Variants in EPB41L3 observed in about 807,000 individuals in gnomAD.
EPB41L3 encodes erythrocyte membrane protein band 4.1 like 3, also known as band 4.1-like protein 3.
A neutral mutation model predicts 127.1 loss-of-function variants in EPB41L3; 57 were observed. That is an observed-to-expected ratio of 0.45 (90% confidence interval 0.36 to 0.56). The LOEUF (loss-of-function observed/expected upper bound fraction) is 0.56. EPB41L3 is among the 20% of genes least tolerant of loss of function. The pLI, the probability that EPB41L3 is intolerant of heterozygous loss-of-function variation, is 0.00. For missense variants in EPB41L3, 1,273 were observed against 1,372.2 expected (o/e 0.93, Z 1.14); for synonymous variants, 572 against 549.5 (o/e 1.04, Z -0.57).
rs373024535 is a variant in EPB41L3, at chr18:5,482,215, T to C, written c.184-3777A>G. ...AAATCTCAGAACTGAGAAATACATT[T>C]GATAAACTGAAGAACTCATTAGAGG... On this transcript the variant is annotated intron_variant, in intron 2 of 22. Coordinates refer to ENST00000341928, the MANE Select transcript of EPB41L3 (RefSeq NM_012307.5). Among the ~76,000 whole-genome samples, 42 of 152,200 alleles carry C rather than the reference T, an allele frequency of 2.8e-4. No individual in the cohort carries two copies. The South Asian group carries it at 8.7e-3, about 32-fold the overall frequency.
chr18:5,541,785 A>C (rs910900025), intron 1 of EPB41L3, among the ~76,000 whole-genome samples: 3 of 152,254 alleles, frequency 2.0e-5, no homozygotes, highest in African/African-American at 7.2e-5. Flanking sequence ...TCATTGAGAC[A>C]CTGACATTTG....
At chr18:5,399,349 T>C (rs1325308162) in intron 16 of EPB41L3, 2 of 398,918 alleles carry the variant, frequency 5.0e-6, no homozygotes, top group South Asian at 1.3e-4. Context: ...ACTACCTCAG[T>C]TGGTATTCTG....
At chr18:5,605,432 G>A (rs559355275) in intron 3 of EPB41L3, among the ~76,000 whole-genome samples, 3 of 151,944 alleles carry the variant, frequency 2.0e-5, no homozygotes, top group Non-Finnish European at 2.9e-5. Context: ...AGGCTGGAGT[G>A]CAGTGGTGCA....
chr18:5,541,366 T>C (rs1179860573), intron 1 of EPB41L3, among the ~76,000 whole-genome samples: 2 of 150,970 alleles, frequency 1.3e-5, no homozygotes, highest in Non-Finnish European at 2.9e-5. Context: ...TTTACTGGAG[T>C]GGACATGAAT....
upstream of EPB41L3, among the ~76,000 whole-genome samples, chr18:5,545,907 GTGTGTGTGTGTA>G (rs1398963412): frequency 3.4e-5 from 5 of 146,834 alleles, no homozygotes; most frequent in African/African-American, 1.3e-4. Context: ...GTGTGTGTGT[GTGTGTGTGTGTA>G]GCACATAAGG....
chr18:5,494,768 C>G (rs538902570), intron 1 of EPB41L3, among the ~76,000 whole-genome samples: 1 of 151,308 alleles, frequency 6.6e-6, no homozygotes, highest in African/African-American at 2.4e-5. Context: ...ATCGCATGCA[C>G]TTACTTGCGT....
At chr18:5,470,200 A>C (rs2085859793) in intron 3 of EPB41L3, among the ~76,000 whole-genome samples, 1 of 152,138 alleles carries the variant, frequency 6.6e-6, no homozygotes, top group Non-Finnish European at 1.5e-5. Flanking sequence ...CTATTTCCTC[A>C]CCAGTGAAAC....
At chr18:5,394,990 A>T in intron 21 of EPB41L3, 77 bp downstream of exon 21, 2 of 1,396,028 alleles carry the variant, frequency 1.4e-6, no homozygotes, top group East Asian at 4.6e-5. Flanking sequence ...GGACTAGAGG[A>T]ATAGCATTGA....
intron 3 of EPB41L3, among the ~76,000 whole-genome samples, chr18:5,447,928 AT>A (rs536845775): frequency 4.0e-5 from 6 of 150,818 alleles, no homozygotes; most frequent in African/African-American, 4.9e-5. Context: ...CACACTGAAG[AT>A]TTTTTTTTTC....
intron 11 of EPB41L3, chr18:5,420,182 A>G: frequency 2.2e-6 from 1 of 459,190 alleles, no homozygotes. Context: ...CTCTCTGCTG[A>G]GGATGTGTGT....
Position 5,503,039 on chromosome 18 carries a change from T to C in EPB41L3, c.-11-13845A>G, listed in dbSNP as rs141006545. 4.0e-3 allele frequency among the ~76,000 whole-genome samples: 609 copies of C among 152,304 alleles called. 8 individuals carry two copies. The highest frequency in any genetic ancestry group is 0.014 in the African/African-American group (590 of 41,576). ...TCAAAGAGTGATCACCTCTGGATGG[T>C]TGACTCACTTTTTTAGATTTTCTAC... On this transcript the variant is annotated intron_variant, in intron 1 of 22. Coordinates refer to ENST00000341928, the MANE Select transcript of EPB41L3 (RefSeq NM_012307.5).
At chr18:5,442,703 A>T (rs2146233679) in intron 5 of EPB41L3, among the ~76,000 whole-genome samples, 1 of 152,330 alleles carries the variant, frequency 6.6e-6, no homozygotes, top group Non-Finnish European at 1.5e-5. Flanking sequence ...ACTGACAAAA[A>T]TATGAATAAA....
chr18:5,627,877 TCTAAGAAGAC>T (rs1312170931), intron 1 of EPB41L3, among the ~76,000 whole-genome samples: 2 of 152,154 alleles, frequency 1.3e-5, no homozygotes, highest in Non-Finnish European at 2.9e-5. Flanking sequence ...TACTACACAT[TCTAAGAAGAC>T]TATTAACTAA....
rs182113136 is a variant in EPB41L3 at position 5,526,542 on chromosome 18, T to C, written c.-12+17371A>G. ...AAGAGAGACCATTCGATTTCACCAATACCTACTGAGTACCTGGAGCTAAAG... is the reference window on the plus strand; with the variant it reads ...AAGAGAGACCATTCGATTTCACCAACACCTACTGAGTACCTGGAGCTAAAG... On this transcript the variant is annotated intron_variant, in intron 1 of 22. Transcript: ENST00000341928. Among the ~76,000 whole-genome samples the C allele has an allele frequency of 2.0e-3, 298 of 152,300 alleles. 3 individuals are homozygous for C. Among genetic ancestry groups the C allele is most frequent in the African/African-American group, 6.8e-3 (282 of 41,568 alleles).
chr18:5,409,016 C>A (rs1243274587), intron 14 of EPB41L3, among the ~76,000 whole-genome samples: 1 of 152,186 alleles, frequency 6.6e-6, no homozygotes, highest in Non-Finnish European at 1.5e-5. Flanking sequence ...CTATCTAGGT[C>A]TCCCTCTTCT....
chr18:5,448,076 A>T (rs982293919), intron 3 of EPB41L3, among the ~76,000 whole-genome samples: 1 of 152,304 alleles, frequency 6.6e-6, no homozygotes, highest in East Asian at 1.9e-4. Context: ...AAGGCTTTTA[A>T]GTTATTCGGG....
intron 1 of EPB41L3, among the ~76,000 whole-genome samples, chr18:5,505,832 C>T (rs2092142698): frequency 7.2e-6 from 1 of 138,390 alleles, no homozygotes; most frequent in Non-Finnish European, 1.6e-5. Context: ...TTCACCTCCA[C>T]CCCTTCCCTC....
chr18:5,416,691 C>A (rs2076869133), intron 12 of EPB41L3, among the ~76,000 whole-genome samples: 1 of 152,148 alleles, frequency 6.6e-6, no homozygotes, highest in Non-Finnish European at 1.5e-5. Context: ...TTTAGACTAA[C>A]AACTCTAGAA....
chr18:5,473,687 T>A (rs1229162552), intron 3 of EPB41L3, among the ~76,000 whole-genome samples: 1 of 152,058 alleles, frequency 6.6e-6, no homozygotes, highest in Non-Finnish European at 1.5e-5. Context: ...AACAGAGATA[T>A]TTTTATTTAT....
Sources: allele counts gnomAD v4.1 joint callset (sites outside exome capture counted in the v4.1 genomes callset), GRCh38; gene constraint gnomAD v4.1.1; transcripts MANE v1.5; gene names NCBI Gene and HGNC (gene_info 2026-07-23, HGNC 2026-07-21).